Variants in MAN1A1 observed in about 807,000 individuals in gnomAD.
MAN1A1 encodes mannosidase alpha class 1A member 1, also known as mannosyl-oligosaccharide 1,2-alpha-mannosidase IA.
A neutral mutation model predicts 70.8 loss-of-function variants in MAN1A1; 29 were observed. The observed-to-expected ratio is 0.41, with a 90% CI of 0.31 to 0.56. MAN1A1 has a LOEUF of 0.56. Among genes scored for constraint, MAN1A1 ranks in the 20% least tolerant of loss-of-function variants. The pLI, the probability that MAN1A1 is intolerant of heterozygous loss-of-function variation, is 0.29. For missense variants in MAN1A1, 747 were observed against 841.3 expected, an observed-to-expected ratio of 0.89 and a Z score of 1.39; for synonymous variants, 349 against 330.1, an observed-to-expected ratio of 1.06 and a Z score of -0.62.
chr6:119,197,913 C>T (rs1562187825), intron 8 of MAN1A1, among the ~76,000 whole-genome samples: 1 of 152,040 alleles, frequency 6.6e-6, no homozygotes, highest in South Asian at 2.1e-4. Flanking sequence ...GAAGGTGAAG[C>T]GGAGATGTTC....
chr6:119,287,407 T>C (rs904985645), intron 5 of MAN1A1, among the ~76,000 whole-genome samples: 1 of 152,160 alleles, frequency 6.6e-6, no homozygotes, highest in Admixed American at 6.6e-5. Context: ...ACATGTGTCA[T>C]CTTCTCTTGC....
At chr6:119,338,050 T>C (rs1190116008) in intron 2 of MAN1A1, among the ~76,000 whole-genome samples, 4 of 146,478 alleles carry the variant, frequency 2.7e-5, no homozygotes, top group Non-Finnish European at 6.0e-5. Flanking sequence ...AGATAAAACA[T>C]TCAACACTGC....
chr6:119,315,474 G>A (rs980401975), intron 2 of MAN1A1, among the ~76,000 whole-genome samples: 4 of 152,124 alleles, frequency 2.6e-5, no homozygotes, highest in African/African-American at 9.7e-5. Context: ...AAAACCCAGT[G>A]TTTCCAGTTC....
chr6:119,307,805 G>A (rs964068213), intron 2 of MAN1A1, among the ~76,000 whole-genome samples: 2 of 152,046 alleles, frequency 1.3e-5, no homozygotes, highest in African/African-American at 4.8e-5. Flanking sequence ...ATCAAAATAT[G>A]GACATAATTG....
At chr6:119,289,245 C>CAA (rs1776466484) in intron 5 of MAN1A1, among the ~76,000 whole-genome samples, 1 of 151,786 alleles carries the variant, frequency 6.6e-6, no homozygotes, top group African/African-American at 2.4e-5. Flanking sequence ...CAAAAGGATG[C>CAA]AATCCTTATT....
intron 5 of MAN1A1, among the ~76,000 whole-genome samples, chr6:119,284,590 G>A (rs1023735136): frequency 6.6e-6 from 1 of 151,760 alleles, no homozygotes; most frequent in African/African-American, 2.4e-5. Context: ...CTGAAATATA[G>A]ACTTAACCAC....
At chr6:119,241,435 T>C (rs1047007237) in intron 6 of MAN1A1, among the ~76,000 whole-genome samples, 5 of 152,174 alleles carry the variant, frequency 3.3e-5, no homozygotes, top group African/African-American at 1.2e-4. Context: ...GTGTGGTCGT[T>C]GGGCAAGCAG....
intron 6 of MAN1A1, among the ~76,000 whole-genome samples, chr6:119,242,134 G>GACAGACACACAC (rs1554207759): frequency 1.3e-5 from 2 of 150,526 alleles, no homozygotes; most frequent in Non-Finnish European, 3.0e-5. Context: ...CAGACAGACA[G>GACAGACACACAC]ACACACACAC....
chr6:119,301,804 A>G (rs1772397640), intron 4 of MAN1A1, among the ~76,000 whole-genome samples, 184 bp downstream of exon 4: 1 of 152,244 alleles, frequency 6.6e-6, no homozygotes, highest in East Asian at 1.9e-4. Flanking sequence ...GCCAAAAAAC[A>G]AAGACACACA....
intron 5 of MAN1A1, among the ~76,000 whole-genome samples, chr6:119,258,821 C>G (rs894140084): frequency 1.3e-5 from 2 of 152,066 alleles, no homozygotes; most frequent in African/African-American, 4.8e-5. Context: ...CTCAGCATCA[C>G]CATCATATGC....
intron 5 of MAN1A1, among the ~76,000 whole-genome samples, chr6:119,266,008 C>T (rs1258265733): frequency 1.3e-5 from 2 of 151,988 alleles, no homozygotes; most frequent in African/African-American, 4.8e-5. Context: ...AACACAATAC[C>T]ATTGTGAGCA....
chr6:119,184,707 C>T (rs1321460711), intron 11 of MAN1A1, among the ~76,000 whole-genome samples: 7 of 149,132 alleles, frequency 4.7e-5, no homozygotes, highest in African/African-American at 1.7e-4. Flanking sequence ...CTGAAACTAC[C>T]AAAAAAAAAC....
chr6:119,203,448 G>A (rs369569411), intron 7 of MAN1A1, among the ~76,000 whole-genome samples: 1 of 152,086 alleles, frequency 6.6e-6, no homozygotes, highest in African/African-American at 2.4e-5. Context: ...AGCAGGTAGA[G>A]GAGAGGAGAG....
At chr6:119,343,843 G>C (rs1773659701) in intron 2 of MAN1A1, among the ~76,000 whole-genome samples, 1 of 152,156 alleles carries the variant, frequency 6.6e-6, no homozygotes, top group South Asian at 2.1e-4. Flanking sequence ...AAAGACCACA[G>C]GTGCTTGACT....
intron 6 of MAN1A1, among the ~76,000 whole-genome samples, chr6:119,240,478 G>T (rs977841612): frequency 6.6e-6 from 1 of 152,140 alleles, no homozygotes; most frequent in Non-Finnish European, 1.5e-5. Context: ...GGAGGGTGGG[G>T]TGCAGAAGAA....
Position 119,276,316 on chromosome 6 carries a change from AC to A in MAN1A1, c.897+14366del, listed in dbSNP as rs1194404547. Among the ~76,000 whole-genome samples the A allele has an allele frequency of 2.0e-5, 3 of 152,162 alleles. No individual in the cohort carries two copies. In the South Asian group the frequency reaches 6.2e-4, roughly 31 times the overall value. On this transcript the variant is annotated intron_variant, in intron 5 of 12. Coordinates refer to ENST00000368468, the MANE Select transcript of MAN1A1 (RefSeq NM_005907.4). ...ATCCTGTGAACTTGTTTAACATTTT[AC>A]CCCCTTATCATGTAAATCTTACGAA...
intron 4 of MAN1A1, 83 bp downstream of exon 4, chr6:119,301,905 A>G (rs1772401160): frequency 4.2e-6 from 3 of 711,272 alleles, no homozygotes; most frequent in African/African-American, 3.6e-5. Flanking sequence ...GGTACATTAT[A>G]ATACAATAAT....
intron 2 of MAN1A1, among the ~76,000 whole-genome samples, chr6:119,314,761 C>A (rs1231917061): frequency 1.3e-5 from 2 of 152,172 alleles, no homozygotes. Context: ...TGGGAGCTGG[C>A]TCAACTGAAG....
chr6:119,290,536 T>C (rs900505713), intron 5 of MAN1A1, 147 bp downstream of exon 5: 3 of 588,612 alleles, frequency 5.1e-6, no homozygotes, highest in African/African-American at 3.8e-5. Flanking sequence ...GTACATATTG[T>C]AAGAAACTCA....
Sources: gnomAD v4.1 joint callset for allele counts (sites outside exome capture counted in the v4.1 genomes callset) on GRCh38, gnomAD v4.1.1 for gene constraint, MANE v1.5 for transcripts, NCBI Gene and HGNC (gene_info 2026-07-23, HGNC 2026-07-21) for gene names.